The following ABL1 variants were observed in gnomAD, a reference collection of about 807,000 sequenced individuals.
ABL1 encodes ABL proto-oncogene 1, non-receptor tyrosine kinase, also known as tyrosine-protein kinase ABL1.
ABL1 carries 11 observed loss-of-function variants against 94.7 expected under a neutral mutation model. The ratio of observed to expected loss-of-function variants is 0.12; its 90% confidence interval spans 0.07 to 0.19. The LOEUF (loss-of-function observed/expected upper bound fraction) is 0.19. Among genes scored for constraint, ABL1 ranks in the 10% least tolerant of loss-of-function variants. ABL1 has a pLI of 1.00. For missense variants in ABL1, 1,082 were observed against 1,489.4 expected, an observed-to-expected ratio of 0.73 and a Z score of 4.50; for synonymous variants, 656 against 622.4, an observed-to-expected ratio of 1.05 and a Z score of -0.80.
chr9:130,790,662 C>T lies in ABL1; in HGVS notation c.137-63402C>T, dbSNP rs1032534716. ...TTTTTATTTTTATTTTTTGTAGCAA[C>T]AGGGTCTCGCTGTGCTGCCCAGGCT... On this transcript the variant is annotated intron_variant, in intron 1 of 10. Transcript: ENST00000372348. Among the ~76,000 whole-genome samples the T allele has an allele frequency of 1.5e-4, 23 of 151,534 alleles. No individual in the cohort carries two copies. In the Middle Eastern group the frequency reaches 0.01, roughly 67 times the overall value.
chr9:130,881,912 C>T (rs1462720506), intron 10 of ABL1, among the ~76,000 whole-genome samples: 1 of 151,874 alleles, frequency 6.6e-6, no homozygotes, highest in African/African-American at 2.4e-5. Context: ...ACATGCAGCC[C>T]ATATATATGG....
intron 3 of ABL1, among the ~76,000 whole-genome samples, chr9:130,860,064 A>G (rs1198646697): frequency 6.6e-6 from 1 of 152,102 alleles, no homozygotes; most frequent in African/African-American, 2.4e-5. Flanking sequence ...CTGACTGAGC[A>G]CCTGAGTGTT....
In ABL1 at chr9:130,886,278, C is replaced by T. The variant is rs1222956313; in HGVS notation, c.*595C>T. 4.2e-6 allele frequency: 1 copy of T among 235,550 alleles called. No individual in the cohort carries two copies. 14.6% of individuals were successfully genotyped at this position (235,550 alleles called of 1,614,324 possible). On this transcript the variant is annotated 3_prime_UTR_variant, in exon 11 of 11. Coordinates refer to ENST00000318560, the MANE Select transcript of ABL1 (RefSeq NM_005157.6). ...GCTGCCCGGGGTGGGGTGCACTCGC[C>T]ATTTCCTCACGTGCAGGACAGCTCT...
chr9:130,737,822 G>C (rs1831763894), intron 1 of ABL1, among the ~76,000 whole-genome samples: 1 of 148,834 alleles, frequency 6.7e-6, no homozygotes, highest in Non-Finnish European at 1.5e-5. Flanking sequence ...CTCTGTCTCA[G>C]AACAGTGTCT....
At chr9:130,798,418 G>A (rs1273183248) in intron 1 of ABL1, among the ~76,000 whole-genome samples, 1 of 152,156 alleles carries the variant, frequency 6.6e-6, no homozygotes, top group Admixed American at 6.6e-5. Context: ...CGCTTGCAGT[G>A]GAGTCTGTAA....
chr9:130,861,898 C>T (rs2132971165), intron 3 of ABL1, among the ~76,000 whole-genome samples: 1 of 152,354 alleles, frequency 6.6e-6, no homozygotes, highest in East Asian at 1.9e-4. Context: ...GCACCCACTG[C>T]ATTGTTGCTT....
chr9:130,716,780 C>T (rs947286332), intron 1 of ABL1, among the ~76,000 whole-genome samples: 1 of 151,538 alleles, frequency 6.6e-6, no homozygotes, highest in Non-Finnish European at 1.5e-5. Context: ...GGTAGAGTTT[C>T]GCTCTTGTCG....
intron 1 of ABL1, among the ~76,000 whole-genome samples, chr9:130,818,291 G>A (rs530571907): frequency 1.1e-4 from 16 of 152,236 alleles, no homozygotes; most frequent in East Asian, 1.9e-4. Context: ...CCAACATGGC[G>A]AAACCCTGTC....
chr9:130,728,692 T>TTG (rs386416348), intron 1 of ABL1, among the ~76,000 whole-genome samples: 1 of 35,866 alleles, frequency 2.8e-5, no homozygotes, highest in Admixed American at 3.3e-4. Flanking sequence ...GCCCAGCCTG[T>TTG]TTTTTTTTTT....
At chr9:130,718,836 C>A (rs941435538) in intron 1 of ABL1, among the ~76,000 whole-genome samples, 6 of 152,152 alleles carry the variant, frequency 3.9e-5, no homozygotes, top group African/African-American at 1.4e-4. Context: ...GAGCCATGAT[C>A]ACGCCACTGC....
intron 1 of ABL1, among the ~76,000 whole-genome samples, chr9:130,730,131 C>T (rs976577245): frequency 1.3e-5 from 2 of 149,266 alleles, no homozygotes; most frequent in Non-Finnish European, 3.0e-5. Flanking sequence ...GCTACCTCCG[C>T]CTCCTGGGTT....
chr9:130,811,496 G>A (rs760641316), intron 1 of ABL1, among the ~76,000 whole-genome samples: 2 of 152,210 alleles, frequency 1.3e-5, no homozygotes, highest in Non-Finnish European at 2.9e-5. Context: ...AAGACTGGGA[G>A]TGGGAGAACA....
intron 8 of ABL1, among the ~76,000 whole-genome samples, 162 bp from the exon 9 acceptor site, chr9:130,879,906 A>G (rs34180241): frequency 0.029 from 4,414 of 152,360 alleles, 185 homozygotes; most frequent in African/African-American, 0.098. Flanking sequence ...CTTAATGTCT[A>G]TAACAGGACA....
intron 1 of ABL1, among the ~76,000 whole-genome samples, chr9:130,753,798 T>C (rs189956487): frequency 5.9e-5 from 9 of 152,146 alleles, no homozygotes; most frequent in African/African-American, 2.2e-4. Context: ...GCCTATTACA[T>C]AGTAGATTTT....
chr9:130,722,071 C>T (rs1377312427), intron 1 of ABL1, among the ~76,000 whole-genome samples: 2 of 151,536 alleles, frequency 1.3e-5, no homozygotes, highest in South Asian at 2.1e-4. Context: ...CGTGAGCCAC[C>T]GTGCCTGGCT....
At chr9:130,833,507 C>T (rs1450126043), upstream of ABL1, among the ~76,000 whole-genome samples, 1 of 152,206 alleles carries the variant, frequency 6.6e-6, no homozygotes, top group African/African-American at 2.4e-5. Flanking sequence ...TAGAAAGCAT[C>T]CAGAGTCACT....
At chr9:130,824,019 G>A (rs1052897749) in intron 1 of ABL1, among the ~76,000 whole-genome samples, 9 of 152,104 alleles carry the variant, frequency 5.9e-5, no homozygotes, top group African/African-American at 1.9e-4. Flanking sequence ...CTATAAATAC[G>A]ACTGATTATT....
rs146300726 is a variant in ABL1, at chr9:130,884,079, A to G, written c.1789A>G (p.Thr597Ala). ...GCGCCTTCTCCCCAAAGACAAAAAGACCAACTTGTTCAGCGCCTTGATCAA... is the reference window on the plus strand; with the variant it reads ...GCGCCTTCTCCCCAAAGACAAAAAGGCCAACTTGTTCAGCGCCTTGATCAA... ...DERLLPKDKK[T>A]NLFSALIKKK... The change falls in exon 11 of 11, where the codon ACC becomes GCC. Residue 597 changes from threonine to alanine, a missense_variant. Physicochemically the swap from Thr to Ala is moderately conservative, Grantham distance 58. Transcript: ENST00000318560. The surrounding 1 kb of genome is among the most constrained non-coding windows in gnomAD (Gnocchi z 5.6). The G allele has an allele frequency of 6.2e-7, 1 of 1,613,808 alleles. No individual in the cohort carries two copies. Among genetic ancestry groups the G allele is most frequent in the African/African-American group, 1.3e-5 (1 of 74,926 alleles).
At chr9:130,806,951 C>A (rs1446638127) in intron 1 of ABL1, among the ~76,000 whole-genome samples, 1 of 152,140 alleles carries the variant, frequency 6.6e-6, no homozygotes, top group African/African-American at 2.4e-5. Context: ...GAGTCCGAGA[C>A]TAGCCTGGCC....
Sources: allele counts gnomAD v4.1 joint callset (sites outside exome capture counted in the v4.1 genomes callset), GRCh38; gene constraint gnomAD v4.1.1; non-coding constraint Gnocchi (gnomAD v3.1); transcripts MANE v1.5; gene names NCBI Gene and HGNC (gene_info 2026-07-23, HGNC 2026-07-21).